The following TBXAS1 variants were observed in gnomAD, a reference collection of about 807,000 sequenced individuals.
TBXAS1 encodes thromboxane-A synthase.
TBXAS1 carries 48 observed loss-of-function variants against 60.7 expected under a neutral mutation model. The ratio of observed to expected loss-of-function variants is 0.79; its 90% confidence interval spans 0.63 to 1.01. The LOEUF (loss-of-function observed/expected upper bound fraction) is 1.01, where lower values mean the gene tolerates loss of function less well. Ranked by LOEUF, TBXAS1 falls within the 50% of genes least tolerant of loss-of-function variation. The pLI is 0.00. For missense variants in TBXAS1, 685 were observed against 686.3 expected (o/e 1.00, Z 0.02); for synonymous variants, 287 against 269.7 (o/e 1.06, Z -0.63).
chr7:139,860,662 G>T (rs143181764), intron 1 of TBXAS1, among the ~76,000 whole-genome samples: 36 of 152,298 alleles, frequency 2.4e-4, no homozygotes, highest in African/African-American at 7.2e-4. Context: ...TTATGACCAT[G>T]ACCCAGGGAG....
chr7:139,841,975 T>C (rs1799480676), intron 1 of TBXAS1, among the ~76,000 whole-genome samples: 1 of 152,168 alleles, frequency 6.6e-6, no homozygotes, highest in Middle Eastern at 3.2e-3. Context: ...AAACAGTCCA[T>C]ATTTTGGCAA....
chr7:139,958,899 G>C (rs1242094103), intron 8 of TBXAS1, among the ~76,000 whole-genome samples: 1 of 152,216 alleles, frequency 6.6e-6, no homozygotes, highest in Non-Finnish European at 1.5e-5. Context: ...TTCTGATCCA[G>C]GTTCATGTTT....
chr7:139,918,043 G>C (rs9692574), intron 4 of TBXAS1, among the ~76,000 whole-genome samples: 2,248 of 152,232 alleles, frequency 0.015, 28 homozygotes, highest in African/African-American at 0.03. Flanking sequence ...GAAATCAAGT[G>C]ACTAAGTCCT....
chr7:140,007,097 CCT>C lies in TBXAS1; in HGVS notation c.1142_1143del (p.Pro381ArgfsTer60). 1 of 1,614,132 alleles carries C rather than the reference CCT, an allele frequency of 6.2e-7. No individual in the cohort carries two copies. The highest frequency in any genetic ancestry group is 1.1e-5 in the South Asian group (1 of 91,082). On this transcript the variant is annotated frameshift_variant, in exon 10 of 13. Transcript: ENST00000448866. LOFTEE classifies it high-confidence loss of function. Reference protein sequence around the residue: ...VDVFKEKHMAPEFCSLEEGLP... With the variant: ...VDVFKEKHMAXEFCSLEEGLP... ...GTCACGACCCCTCCATCAGATGGCC[CCT>C]GAGTTCTGCAGCCTCGAGGAAGGCC...
At position 139,896,467 on chromosome 7, in the gene TBXAS1, C is replaced by A. The variant is rs575996059; in HGVS notation, c.237-14758C>A. Among the ~76,000 whole-genome samples the A allele has an allele frequency of 2.0e-5, 3 of 152,234 alleles. No homozygotes were observed. The highest frequency in any genetic ancestry group is 7.2e-5 in the African/African-American group (3 of 41,534). ...AGCAAGAATGAAAGGCTGTGGTTCC[C>A]AAACTGTGTGCTGAGACACCCCAGG... On this transcript the variant is annotated intron_variant, in intron 3 of 12. Transcript: ENST00000448866. This position sits in a 1 kb window ranked among gnomAD's most constrained non-coding sequence, Gnocchi z 4.0.
chr7:139,991,055 G>C (rs1812861792), intron 9 of TBXAS1, among the ~76,000 whole-genome samples: 1 of 152,176 alleles, frequency 6.6e-6, no homozygotes, highest in Non-Finnish European at 1.5e-5. Flanking sequence ...CCACTGCCAC[G>C]ATCTATGGGC....
chr7:139,955,557 G>C lies in TBXAS1; in HGVS notation c.638G>C (p.Cys213Ser), dbSNP rs561110643. The change falls in exon 7 of 13, where the codon TGC becomes TCC. Residue 213 changes from cysteine (C) to serine (S), a missense_variant. By Grantham distance (112) the Cys-to-Ser change is moderately radical. Coordinates refer to ENST00000448866, the MANE Select transcript of TBXAS1 (RefSeq NM_001061.7). ...CCTGAGGATCCCTTTGTGAAACACT[G>C]CAAGCGTTTCTTCGAATTCTGCATC... The part of the protein sequence containing the change: ...QAPEDPFVKH[C>S]KRFFEFCIPR... The C allele has an allele frequency of 6.2e-7, 1 of 1,614,196 alleles. No homozygotes were observed. Among genetic ancestry groups the C allele is most frequent in the South Asian group, 1.1e-5 (1 of 91,082 alleles).
At chr7:139,801,247 C>G (rs1023892385) in intron 4 of TBXAS1, among the ~76,000 whole-genome samples, 1 of 152,148 alleles carries the variant, frequency 6.6e-6, no homozygotes, top group Non-Finnish European at 1.5e-5. Flanking sequence ...AACTGTTTCA[C>G]TACAATATGT....
At chr7:139,817,738 T>C (rs1024746108) in intron 4 of TBXAS1, among the ~76,000 whole-genome samples, 1 of 152,230 alleles carries the variant, frequency 6.6e-6, no homozygotes, top group Non-Finnish European at 1.5e-5. Flanking sequence ...TCTTCTTTTC[T>C]TTATGGTATT....
At chr7:139,991,718 G>T (rs922360126) in intron 9 of TBXAS1, among the ~76,000 whole-genome samples, 1 of 152,146 alleles carries the variant, frequency 6.6e-6, no homozygotes, top group Non-Finnish European at 1.5e-5. Context: ...GGCCTCATAG[G>T]GCCATAATCA....
intron 1 of TBXAS1, among the ~76,000 whole-genome samples, chr7:139,862,713 A>G (rs1016970926): frequency 2.6e-5 from 4 of 152,246 alleles, no homozygotes; most frequent in Non-Finnish European, 4.4e-5. Context: ...AATTGAGAAT[A>G]ATGAGTAAGG....
At chr7:139,803,258 A>C (rs1233943829) in intron 4 of TBXAS1, among the ~76,000 whole-genome samples, 2 of 152,214 alleles carry the variant, frequency 1.3e-5, no homozygotes, top group African/African-American at 4.8e-5. Context: ...GACGGAGATG[A>C]GGAACTTGTT....
chr7:139,835,867 A>G (rs1440055857), intron 1 of TBXAS1, among the ~76,000 whole-genome samples: 10 of 152,084 alleles, frequency 6.6e-5, no homozygotes, highest in African/African-American at 2.4e-4. Flanking sequence ...ACAATCGTTT[A>G]CCTTGAAAAC....
rs200208785 is a variant in TBXAS1 at position 139,955,424 on chromosome 7, G to A, written c.540-35G>A. On this transcript the variant is annotated intron_variant, in intron 6 of 12. Coordinates refer to ENST00000448866, the MANE Select transcript of TBXAS1 (RefSeq NM_001061.7). ...GCCATTGTGGGTAGCCCCTGCCAGA[G>A]TCCTTTCAGATCTCTGTGCTCCCAT... 1.9e-6 allele frequency: 3 copies of A among 1,613,928 alleles called. No homozygotes were observed. The African/African-American group carries it at 4.0e-5, about 22-fold the overall frequency.
At position 139,925,984 on chromosome 7, in the gene TBXAS1, C is replaced by A. The variant is rs181475319; in HGVS notation, c.334-10207C>A. ...CCATGCTTGCATCCCAGTGATAAAT[C>A]CCACTTGGTCATGATTGATCTTTTT... On this transcript the variant is annotated intron_variant, in intron 4 of 12. Transcript: ENST00000448866. Among the ~76,000 whole-genome samples, 543 of 152,274 alleles carry A rather than the reference C, an allele frequency of 3.6e-3. 3 individuals carry two copies. Among genetic ancestry groups the A allele is most frequent in the Middle Eastern group, 6.8e-3 (2 of 294 alleles).
chr7:139,969,260 T>G (rs550661121), intron 9 of TBXAS1, among the ~76,000 whole-genome samples: 1 of 152,284 alleles, frequency 6.6e-6, no homozygotes, highest in African/African-American at 2.4e-5. Context: ...AAACTTCTCT[T>G]GAAGAGCTGC....
At chr7:139,834,108 ACT>A (rs1257469375) in intron 1 of TBXAS1, among the ~76,000 whole-genome samples, 13 of 152,226 alleles carry the variant, frequency 8.5e-5, no homozygotes, top group African/African-American at 3.1e-4. Flanking sequence ...TGTATCAAGC[ACT>A]CTCTCAGACC....
intron 1 of TBXAS1, among the ~76,000 whole-genome samples, chr7:139,864,107 G>T (rs1801172386): frequency 1.3e-5 from 2 of 152,010 alleles, no homozygotes; most frequent in South Asian, 4.1e-4. Context: ...TCAGACAAAA[G>T]GATTAAAAAG....
rs142313797 is a variant in TBXAS1, at chr7:139,955,555, C to T, written c.636C>T (p.His212=). Reference sequence around the variant, plus strand: ...CCCCTGAGGATCCCTTTGTGAAACACTGCAAGCGTTTCTTCGAATTCTGCA... The same window carrying T: ...CCCCTGAGGATCCCTTTGTGAAACATTGCAAGCGTTTCTTCGAATTCTGCA... ...WQAPEDPFVK[H]CKRFFEFCIP... is the part of the protein sequence containing the mutation. Residue 212 remains histidine (H), a synonymous_variant, in exon 7 of 13, where the codon CAC becomes CAT. Transcript: ENST00000448866. 6.6e-5 allele frequency: 107 copies of T among 1,614,118 alleles called. 1 individual carries two copies. Among genetic ancestry groups the T allele is most frequent in the Middle Eastern group, 3.3e-4 (2 of 6,084 alleles).
Sources: allele counts gnomAD v4.1 joint callset (sites outside exome capture counted in the v4.1 genomes callset), GRCh38; gene constraint gnomAD v4.1.1; non-coding constraint Gnocchi (gnomAD v3.1); transcripts MANE v1.5; gene names NCBI Gene and HGNC (gene_info 2026-07-23, HGNC 2026-07-21).